PTPDC1: variants seen among roughly 807,000 people sequenced by gnomAD.
The protein encoded by PTPDC1 is protein tyrosine phosphatase domain containing 1.
Under a neutral mutation model 75.3 loss-of-function variants are expected in PTPDC1, and 53 were observed. The ratio of observed to expected loss-of-function variants is 0.70; its 90% confidence interval spans 0.56 to 0.88. The LOEUF (loss-of-function observed/expected upper bound fraction) is 0.88. Ranked by LOEUF, PTPDC1 falls within the 40% of genes least tolerant of loss-of-function variation. The probability of loss-of-function intolerance (pLI) is 0.00; values close to 1 mark genes in which losing one functional copy is unlikely to be tolerated. For missense variants in PTPDC1, 925 were observed against 998.6 expected (o/e 0.93, Z 0.99); for synonymous variants, 349 against 366.2 (o/e 0.95, Z 0.54).
intron 1 of PTPDC1, among the ~76,000 whole-genome samples, chr9:94,049,327 G>C (rs1042282858): frequency 6.6e-6 from 1 of 152,118 alleles, no homozygotes; most frequent in Non-Finnish European, 1.5e-5. Context: ...TTTACAATTT[G>C]GCATGTTTTT....
chr9:94,053,003 A>G (rs1825830744), intron 1 of PTPDC1, among the ~76,000 whole-genome samples: 2 of 152,210 alleles, frequency 1.3e-5, no homozygotes, highest in African/African-American at 4.8e-5. Flanking sequence ...AACCAGCTTC[A>G]TCTATAGTTA....
At chr9:94,042,298 T>G (rs1341586152) in intron 1 of PTPDC1, among the ~76,000 whole-genome samples, 1 of 152,102 alleles carries the variant, frequency 6.6e-6, no homozygotes, top group Non-Finnish European at 1.5e-5. Flanking sequence ...CAAAGTTTCT[T>G]AAACTGCAGT....
intron 4 of PTPDC1, among the ~76,000 whole-genome samples, chr9:94,091,283 T>G (rs1827307539): frequency 6.6e-6 from 1 of 152,218 alleles, no homozygotes; most frequent in South Asian, 2.1e-4. Flanking sequence ...TGAGAGTTTT[T>G]AGTATGAAGG....
chr9:94,075,576 G>A (rs886543572), intron 2 of PTPDC1, among the ~76,000 whole-genome samples: 8 of 152,176 alleles, frequency 5.3e-5, no homozygotes, highest in African/African-American at 1.9e-4. Context: ...CCCTATTGGG[G>A]ATATACTGGA....
upstream of PTPDC1, among the ~76,000 whole-genome samples, chr9:94,083,454 G>A (rs1305887745): frequency 6.7e-6 from 1 of 149,236 alleles, no homozygotes; most frequent in Non-Finnish European, 1.5e-5. Flanking sequence ...ATTAGTAATC[G>A]TTAAAAAAAA....
At chr9:94,041,422 T>G (rs574156763) in intron 1 of PTPDC1, among the ~76,000 whole-genome samples, 60 of 152,344 alleles carry the variant, frequency 3.9e-4, no homozygotes, top group Non-Finnish European at 7.6e-4. Flanking sequence ...TAAATTCTTA[T>G]AAAGAGATTG....
At chr9:94,099,674 A>G (rs1264841730) in intron 6 of PTPDC1, among the ~76,000 whole-genome samples, 1 of 152,246 alleles carries the variant, frequency 6.6e-6, no homozygotes, top group Non-Finnish European at 1.5e-5. Flanking sequence ...CTCCAAACTG[A>G]AAAAGTCTTT....
chr9:94,106,012 T>G (rs1325467130), intron 8 of PTPDC1, among the ~76,000 whole-genome samples: 2 of 152,088 alleles, frequency 1.3e-5, no homozygotes, highest in African/African-American at 4.8e-5. Flanking sequence ...TTATTAATGT[T>G]AATAAGGAGT....
upstream of PTPDC1, among the ~76,000 whole-genome samples, chr9:94,082,744 T>C (rs980255275): frequency 2.0e-5 from 3 of 152,142 alleles, no homozygotes; most frequent in African/African-American, 7.2e-5. Context: ...TGACACAGGG[T>C]CACTGACTGT....
chr9:94,049,438 G>C lies in PTPDC1; in HGVS notation c.-6-15296G>C, dbSNP rs187761125. On this transcript the variant is annotated intron_variant, in intron 1 of 9. Transcript: ENST00000375360. Reference sequence around the variant, plus strand: ...TGACAAAATCTCTGAGCATTTGCTTGTCTGTAAAGTATTTTATTTCTCCTT... The same window carrying C: ...TGACAAAATCTCTGAGCATTTGCTTCTCTGTAAAGTATTTTATTTCTCCTT... Among the ~76,000 whole-genome samples, 1,377 of 152,246 alleles carry C rather than the reference G, an allele frequency of 9.0e-3. 20 individuals are homozygous for C. The highest frequency in any genetic ancestry group is 0.031 in the African/African-American group (1,290 of 41,518).
In PTPDC1 at chr9:94,098,535, TC is replaced by T. The variant is rs1308922053; in HGVS notation, c.1970del (p.Ser657LeufsTer2). The T allele has an allele frequency of 6.2e-7, 1 of 1,614,108 alleles. No individual in the cohort carries two copies. ...AAKALANLNE[S>X]VEKEELKRKV... ...CAAAGCCCTAGCAAATTTAAATGAA[TC>T]TGTAGAAAAGGAGGAACTAAAAAGG... On this transcript the variant is annotated frameshift_variant, in exon 6 of 9. Transcript: ENST00000620992. LOFTEE classifies it high-confidence loss of function.
intron 1 of PTPDC1, among the ~76,000 whole-genome samples, chr9:94,057,029 A>G (rs1825962548): frequency 1.3e-5 from 2 of 152,186 alleles, no homozygotes; most frequent in Non-Finnish European, 2.9e-5. Flanking sequence ...CAGGCATATG[A>G]TATAAGTTCA....
chr9:94,068,838 A>G (rs1826411279), intron 2 of PTPDC1, among the ~76,000 whole-genome samples: 1 of 152,124 alleles, frequency 6.6e-6, no homozygotes, highest in African/African-American at 2.4e-5. Flanking sequence ...AGAATTTCCC[A>G]TTATTTGTTC....
At chr9:94,056,943 T>C (rs969846476) in intron 1 of PTPDC1, among the ~76,000 whole-genome samples, 6 of 152,140 alleles carry the variant, frequency 3.9e-5, no homozygotes, top group Non-Finnish European at 5.9e-5. Flanking sequence ...CAACAGGAAA[T>C]AGAAATAAAT....
In PTPDC1 at chr9:94,107,900, GA is replaced by G; in HGVS notation, c.2389del (p.Arg797GlufsTer3). 4 of 1,608,710 alleles carry G rather than the reference GA, an allele frequency of 2.5e-6. No individual in the cohort carries two copies. Among genetic ancestry groups the G allele is most frequent in the Non-Finnish European group, 3.4e-6 (4 of 1,177,568 alleles). The part of the protein sequence containing the change: ...LKKIFKHTLE[E>X]KRKMTKDGPK... ...GAAAATATTTAAGCACACGCTGGAA[GA>G]AAAAAGAAAAATGACAAAAGATGGC... On this transcript the variant is annotated frameshift_variant, in exon 9 of 9. Coordinates refer to ENST00000620992, the MANE Select transcript of PTPDC1 (RefSeq NM_001253829.2). LOFTEE classifies it high-confidence loss of function.
chr9:94,037,207 C>T (rs995028999), intron 1 of PTPDC1, among the ~76,000 whole-genome samples: 1 of 152,168 alleles, frequency 6.6e-6, no homozygotes, highest in African/African-American at 2.4e-5. Context: ...ACATTTTCTC[C>T]ATTTCCTTGA....
chr9:94,069,179 G>A (rs1407274985), intron 2 of PTPDC1, among the ~76,000 whole-genome samples: 1 of 152,030 alleles, frequency 6.6e-6, no homozygotes, highest in African/African-American at 2.4e-5. Context: ...CCCTTTTAGG[G>A]GACAAAGCTG....
At chr9:94,100,028 A>G (rs893202323) in intron 6 of PTPDC1, 3 of 152,232 alleles carry the variant, frequency 2.0e-5, no homozygotes, top group African/African-American at 4.8e-5. Flanking sequence ...AATGCCACCC[A>G]TGCCTGTACT....
At chr9:94,107,581 G>A (rs1198085742) in intron 8 of PTPDC1, among the ~76,000 whole-genome samples, 1 of 152,220 alleles carries the variant, frequency 6.6e-6, no homozygotes, top group African/African-American at 2.4e-5. Context: ...ATGACTGGGT[G>A]TATATAATTA....
Sources: gnomAD v4.1 joint callset for allele counts (sites outside exome capture counted in the v4.1 genomes callset) on GRCh38, gnomAD v4.1.1 for gene constraint, MANE v1.5 for transcripts, NCBI Gene and HGNC (gene_info 2026-07-23, HGNC 2026-07-21) for gene names.